Variants in GPR83 observed in about 807,000 individuals in gnomAD.
GPR83 encodes G protein-coupled receptor 83.
A neutral mutation model predicts 28.0 loss-of-function variants in GPR83; 23 were observed. The ratio of observed to expected loss-of-function variants is 0.82; its 90% CI spans 0.59 to 1.16. The LOEUF (loss-of-function observed/expected upper bound fraction) is 1.16, where lower values mean the gene tolerates loss of function less well. Ranked by LOEUF, GPR83 falls within the 50% of genes most tolerant of loss-of-function variation. GPR83 has a pLI of 0.00. For synonymous variants in GPR83, 234 were observed against 215.4 expected, an observed-to-expected ratio of 1.09 and a Z score of -0.76; for missense variants, 610 against 536.6, an observed-to-expected ratio of 1.14 and a Z score of -1.35.
chr11:94,393,091 G>T (rs933427455), intron 3 of GPR83, among the ~76,000 whole-genome samples: 2 of 152,206 alleles, frequency 1.3e-5, no homozygotes, highest in African/African-American at 4.8e-5. Flanking sequence ...AGAGAAGCCT[G>T]CCTCAGGCTC....
At chr11:94,388,047 C>T (rs1322238754) in intron 3 of GPR83, among the ~76,000 whole-genome samples, 1 of 152,170 alleles carries the variant, frequency 6.6e-6, no homozygotes, top group South Asian at 2.1e-4. Flanking sequence ...CGTAATCCAG[C>T]ATATAAACAG....
In GPR83 at chr11:94,400,766, C is replaced by T. The variant is rs1056700546; in HGVS notation, c.387+95G>A. 6.2e-6 allele frequency: 7 copies of T among 1,134,310 alleles called. No individual in the cohort carries two copies. The East Asian group carries it at 9.4e-5, about 15-fold the overall frequency. The allele number at this position is 1,134,310 out of a possible 1,614,324, so 70.3% of individuals were successfully genotyped here. On this transcript the variant is annotated intron_variant, in intron 1 of 3. Transcript: ENST00000243673. ...ATGTGGAGAGAGAAGTGGGGACCCACAGGGAGACGCAGAACGGCAGAGGGA... is the reference window on the plus strand; with the variant it reads ...ATGTGGAGAGAGAAGTGGGGACCCATAGGGAGACGCAGAACGGCAGAGGGA...
chr11:94,380,775 TG>T lies in GPR83; in HGVS notation c.648-3del. 1 of 1,596,120 alleles carries T rather than the reference TG, an allele frequency of 6.3e-7. No individual in the cohort carries two copies. ...CAGAGGGAGCGCACAATGTCCTCAC[TG>T]GGGGCAGGAAGTGGGGAGGGGGAGA... On this transcript the variant is annotated splice_polypyrimidine_tract_variant and splice_region_variant and intron_variant, in intron 3 of 3. Transcript: ENST00000243673.
At chr11:94,387,664 T>G (rs987772683) in intron 3 of GPR83, among the ~76,000 whole-genome samples, 1 of 151,982 alleles carries the variant, frequency 6.6e-6, no homozygotes, top group African/African-American at 2.4e-5. Flanking sequence ...AATAACAGGC[T>G]CTGAAATGGA....
rs755243936 is a variant in GPR83, at chr11:94,396,416, C to T, written c.496G>A (p.Ala166Thr). The T allele has an allele frequency of 6.2e-7, 1 of 1,613,906 alleles. No homozygotes were observed. The highest frequency in any genetic ancestry group is 1.1e-5 in the South Asian group (1 of 91,054). ...HVSALTLTAI[A>T]VDRHQVIMHP... ...GCCCTCACCTGGTGGCGATCCACCG[C>T]AATGGCTGTCAGTGTCAGTGCTGAG... Residue 166 changes from alanine to threonine, a missense_variant, in exon 2 of 4, where the codon GCG becomes ACG. Ala to Thr is a moderately conservative substitution (Grantham distance 58, BLOSUM62 0). Transcript: ENST00000243673.
At chr11:94,382,006 T>G (rs1944695161) in intron 3 of GPR83, among the ~76,000 whole-genome samples, 1 of 152,136 alleles carries the variant, frequency 6.6e-6, no homozygotes. Context: ...ATTAGCCACT[T>G]GTAGGTGTAC....
At position 94,379,368 on chromosome 11, in the gene GPR83, C is replaced by A. The variant is rs1326210496; in HGVS notation, c.*781G>T. The A allele has an allele frequency of 8.4e-6, 1 of 118,788 alleles. No individual in the cohort carries two copies. Among genetic ancestry groups the A allele is most frequent in the Non-Finnish European group, 1.7e-5 (1 of 59,308 alleles). The allele number at this position is 118,788 out of a possible 1,614,324, so 7.4% of individuals were successfully genotyped here. On this transcript the variant is annotated 3_prime_UTR_variant, in exon 4 of 4. Transcript: ENST00000243673. Reference sequence around the variant, plus strand: ...CCTGGGTGACAGAGCGAGATTCCATCTCAAAAAAAAAAAAAAAAAGAAAAA... The same window carrying A: ...CCTGGGTGACAGAGCGAGATTCCATATCAAAAAAAAAAAAAAAAAGAAAAA...
intron 3 of GPR83, among the ~76,000 whole-genome samples, chr11:94,388,785 GC>G (rs2134689399): frequency 6.6e-6 from 1 of 152,290 alleles, no homozygotes; most frequent in East Asian, 1.9e-4. Flanking sequence ...TCCCCATCAA[GC>G]TACCAGTGAC....
At chr11:94,391,535 A>AC (rs1944816946) in intron 3 of GPR83, among the ~76,000 whole-genome samples, 1 of 152,212 alleles carries the variant, frequency 6.6e-6, no homozygotes, top group African/African-American at 2.4e-5. Context: ...TGAACAGGCA[A>AC]CCTACAGAAT....
At chr11:94,394,155 G>T (rs564053073) in intron 2 of GPR83, among the ~76,000 whole-genome samples, 2 of 152,142 alleles carry the variant, frequency 1.3e-5, no homozygotes, top group Admixed American at 6.5e-5. Flanking sequence ...GCAAGCCCAC[G>T]GTCAGCCCCC....
chr11:94,393,516 T>C lies in GPR83; in HGVS notation c.616A>G (p.Ile206Val), dbSNP rs1031950129. 1.2e-6 allele frequency: 2 copies of C among 1,613,958 alleles called. No homozygotes were observed. Among genetic ancestry groups the C allele is most frequent in the South Asian group, 1.1e-5 (1 of 91,066 alleles). Residue 206 changes from isoleucine (I) to valine (V), a missense_variant, in exon 3 of 4, where the codon ATC (isoleucine) becomes GTC (valine). Transcript: ENST00000243673. ...MATFFSLPHA[I>V]CQKLFTFKYS... ...TTGAAGGTAAATAATTTCTGGCAGA[T>C]AGCATGTGGGAGTGAAAAGAACGTA...
chr11:94,390,537 CTGTT>C (rs1944807388), intron 3 of GPR83, among the ~76,000 whole-genome samples: 1 of 152,174 alleles, frequency 6.6e-6, no homozygotes, highest in South Asian at 2.1e-4. Context: ...CAAATTGTCT[CTGTT>C]TGCAGATGAC....
chr11:94,382,819 T>C (rs983430126), intron 3 of GPR83, among the ~76,000 whole-genome samples: 1 of 152,018 alleles, frequency 6.6e-6, no homozygotes, highest in Non-Finnish European at 1.5e-5. Context: ...AGAACAGAAA[T>C]CATAACAGTC....
At chr11:94,383,305 G>A (rs138690028) in intron 3 of GPR83, among the ~76,000 whole-genome samples, 129 of 152,212 alleles carry the variant, frequency 8.5e-4, no homozygotes, top group East Asian at 7.5e-3. Context: ...AAGACACAAC[G>A]TACCAGAATC....
chr11:94,385,187 A>C (rs1006572706), intron 3 of GPR83, among the ~76,000 whole-genome samples: 2 of 152,084 alleles, frequency 1.3e-5, no homozygotes, highest in Non-Finnish European at 1.5e-5. Context: ...CCACACCAAA[A>C]CCCCATCTGT....
chr11:94,387,183 TA>T (rs1944766588), intron 3 of GPR83, among the ~76,000 whole-genome samples: 1 of 152,216 alleles, frequency 6.6e-6, no homozygotes, highest in African/African-American at 2.4e-5. Context: ...AAACAGTGTG[TA>T]GGGGGAAATT....
chr11:94,389,196 T>C (rs528494971), intron 3 of GPR83, among the ~76,000 whole-genome samples: 5 of 152,266 alleles, frequency 3.3e-5, no homozygotes, highest in Admixed American at 3.3e-4. Flanking sequence ...AAGACTTAAA[T>C]GTTAGACCTA....
At position 94,400,854 on chromosome 11, in the gene GPR83, C is replaced by T. The variant is rs745767572; in HGVS notation, c.387+7G>A. On this transcript the variant is annotated splice_region_variant and intron_variant, in intron 1 of 3. Coordinates refer to ENST00000243673, the MANE Select transcript of GPR83 (RefSeq NM_016540.4). ...GAAGGTGGGGCGGCAGGCAGCGGGC[C>T]CCTTACCAAAGTGAAGGGGGTGTTG... 17 of 1,612,418 alleles carry T rather than the reference C, an allele frequency of 1.1e-5. No homozygotes were observed. Among genetic ancestry groups the T allele is most frequent in the Non-Finnish European group, 1.4e-5 (16 of 1,178,922 alleles).
intron 3 of GPR83, among the ~76,000 whole-genome samples, chr11:94,383,558 A>G (rs748519961): frequency 6.6e-6 from 1 of 152,202 alleles, no homozygotes; most frequent in African/African-American, 2.4e-5. Flanking sequence ...TGGTTTTTTG[A>G]AAAGATCAAC....
Sources: gnomAD v4.1 joint callset for allele counts (sites outside exome capture counted in the v4.1 genomes callset) on GRCh38, gnomAD v4.1.1 for gene constraint, MANE v1.5 for transcripts, NCBI Gene and HGNC (gene_info 2026-07-23, HGNC 2026-07-21) for gene names.